ZBTB20: variants seen among roughly 807,000 people sequenced by gnomAD.
ZBTB20 encodes zinc finger and BTB domain containing 20, also known as zinc finger and BTB domain-containing protein 20.
In ZBTB20, 9 loss-of-function variants were observed where a neutral mutation model predicts 56.9. The observed-to-expected ratio is 0.16, with a 90% CI of 0.10 to 0.28. The LOEUF (loss-of-function observed/expected upper bound fraction) is 0.28, where lower values mean the gene tolerates loss of function less well. Among genes scored for constraint, ZBTB20 ranks in the 10% least tolerant of loss-of-function variants. The pLI, the probability that ZBTB20 is intolerant of heterozygous loss-of-function variation, is 1.00. For missense variants in ZBTB20, 655 were observed against 1,003.0 expected (o/e 0.65, Z 4.69); for synonymous variants, 417 against 420.7 (o/e 0.99, Z 0.11).
chr3:114,740,388 T>C (rs183356888), intron 5 of ZBTB20, among the ~76,000 whole-genome samples: 4 of 152,328 alleles, frequency 2.6e-5, no homozygotes, highest in Admixed American at 2.0e-4. Context: ...TGAAAAATGT[T>C]TCCTGTGGGT....
chr3:115,087,592 A>T (rs1176605304), intron 1 of ZBTB20, among the ~76,000 whole-genome samples: 1 of 151,870 alleles, frequency 6.6e-6, no homozygotes, highest in Non-Finnish European at 1.5e-5. Flanking sequence ...AAAAAGCTGG[A>T]TTGTCCAATT....
At chr3:114,579,105 A>T (rs2054385354) in intron 6 of ZBTB20, among the ~76,000 whole-genome samples, 1 of 151,844 alleles carries the variant, frequency 6.6e-6, no homozygotes, top group South Asian at 2.1e-4. Flanking sequence ...ACAGTTCAGT[A>T]TACACAAAAG....
intron 6 of ZBTB20, among the ~76,000 whole-genome samples, chr3:114,522,246 C>G (rs141259160): frequency 5.3e-5 from 8 of 152,072 alleles, no homozygotes; most frequent in Non-Finnish European, 1.0e-4. Flanking sequence ...AGCAAACAAG[C>G]CTTATCTGGG....
chr3:114,349,205 A>C (rs1015195620), intron 11 of ZBTB20, among the ~76,000 whole-genome samples: 3 of 149,982 alleles, frequency 2.0e-5, no homozygotes, highest in Non-Finnish European at 4.5e-5. Flanking sequence ...GTCTCAAAAA[A>C]AAAAAAAAAA....
intron 3 of ZBTB20, among the ~76,000 whole-genome samples, chr3:114,946,360 G>C (rs911948380): frequency 6.9e-6 from 1 of 145,276 alleles, no homozygotes; most frequent in Non-Finnish European, 1.5e-5. Flanking sequence ...TAACAAATAA[G>C]TATTATAAAA....
chr3:114,447,169 T>C (rs1049329693), intron 7 of ZBTB20, among the ~76,000 whole-genome samples: 2 of 152,194 alleles, frequency 1.3e-5, no homozygotes, highest in African/African-American at 2.4e-5. Context: ...TTGCTGAAAA[T>C]ATTTTGGCTT....
rs984318690 is a variant in ZBTB20 at position 115,094,675 on chromosome 3, T to G, written c.-702-23261A>C. 6.6e-5 allele frequency among the ~76,000 whole-genome samples: 10 copies of G among 152,026 alleles called. 1 individual carries two copies. Among genetic ancestry groups the G allele is most frequent in the Middle Eastern group, 3.6e-3 (1 of 276 alleles). On this transcript the variant is annotated intron_variant, in intron 1 of 11. Coordinates refer to ENST00000675478, the MANE Select transcript of ZBTB20 (RefSeq NM_001348800.3). ...GGAATTGCAACAACAAATCACAATT[T>G]AATTACAACAGTAATTCACAGAAAA...
At chr3:115,032,958 T>TAAAAAAAAAA (rs77048136) in intron 2 of ZBTB20, among the ~76,000 whole-genome samples, 96 of 56,190 alleles carry the variant, frequency 1.7e-3, no homozygotes, top group African/African-American at 2.1e-3. Context: ...CCTAAGGAAC[T>TAAAAAAAAAA]AAAAAAAAAA....
intron 6 of ZBTB20, among the ~76,000 whole-genome samples, chr3:114,618,788 T>C (rs2058111642): frequency 6.6e-6 from 1 of 152,188 alleles, no homozygotes; most frequent in Non-Finnish European, 1.5e-5. Context: ...GCTACTCTTT[T>C]TCAATTCACT....
intron 1 of ZBTB20, among the ~76,000 whole-genome samples, chr3:115,143,079 C>A (rs1487146110): frequency 1.3e-5 from 2 of 152,008 alleles, no homozygotes; most frequent in African/African-American, 4.8e-5. Context: ...GGTGAGACAC[C>A]CACTACTTGA....
At chr3:114,688,172 G>T (rs2062465017) in intron 6 of ZBTB20, 1 of 152,136 alleles carries the variant, frequency 6.6e-6, no homozygotes, top group Non-Finnish European at 1.5e-5. Context: ...GGAGGTTGCA[G>T]TGAGCCAAGA....
At chr3:115,064,502 A>G (rs1345027288) in intron 2 of ZBTB20, among the ~76,000 whole-genome samples, 1 of 116,306 alleles carries the variant, frequency 8.6e-6, no homozygotes, top group Non-Finnish European at 1.6e-5. Flanking sequence ...CCCAGGCTGG[A>G]GTGCAATGGC....
At chr3:115,129,572 TAG>T (rs1560594652) in intron 1 of ZBTB20, among the ~76,000 whole-genome samples, 1 of 152,252 alleles carries the variant, frequency 6.6e-6, no homozygotes, top group African/African-American at 2.4e-5. Context: ...GCATTTATGC[TAG>T]AGTCACTTTT....
At chr3:115,134,948 C>T (rs1188883693) in intron 1 of ZBTB20, among the ~76,000 whole-genome samples, 2 of 152,268 alleles carry the variant, frequency 1.3e-5, no homozygotes, top group African/African-American at 4.8e-5. Flanking sequence ...TTTTAGCCTC[C>T]AAAGACAGAG....
chr3:115,045,119 T>A (rs1233321175), intron 2 of ZBTB20, among the ~76,000 whole-genome samples: 1 of 152,200 alleles, frequency 6.6e-6, no homozygotes, highest in Non-Finnish European at 1.5e-5. Flanking sequence ...AGTATCTTCA[T>A]GCCATACACA....
intron 7 of ZBTB20, among the ~76,000 whole-genome samples, chr3:114,493,981 T>G (rs1416752559): frequency 6.6e-6 from 1 of 152,168 alleles, no homozygotes; most frequent in Non-Finnish European, 1.5e-5. Context: ...TGGAATCAAG[T>G]TCTATCTCTA....
intron 5 of ZBTB20, among the ~76,000 whole-genome samples, chr3:114,718,847 C>T (rs1217618859): frequency 1.3e-5 from 2 of 151,780 alleles, no homozygotes; most frequent in African/African-American, 4.8e-5. Context: ...ACAAATACTC[C>T]ATTTTGGGTC....
At chr3:114,738,205 A>C (rs1405363294) in intron 5 of ZBTB20, among the ~76,000 whole-genome samples, 3 of 152,050 alleles carry the variant, frequency 2.0e-5, no homozygotes, top group Admixed American at 6.6e-5. Context: ...GATATGGTAA[A>C]TATATTTATC....
At chr3:114,911,946 G>A (rs115322995) in intron 3 of ZBTB20, among the ~76,000 whole-genome samples, 1,852 of 151,672 alleles carry the variant, frequency 0.012, 38 homozygotes, top group African/African-American at 0.043. Context: ...ATCCCAAACA[G>A]GAATGCTCTA....
Sources: allele counts gnomAD v4.1 joint callset (sites outside exome capture counted in the v4.1 genomes callset), GRCh38; gene constraint gnomAD v4.1.1; transcripts MANE v1.5; gene names NCBI Gene and HGNC (gene_info 2026-07-23, HGNC 2026-07-21).